Variants in ACYP2 observed in about 807,000 individuals in gnomAD.
The protein encoded by ACYP2 is acylphosphatase-2.
ACYP2 carries 12 observed loss-of-function variants against 11.2 expected under a neutral mutation model. The observed-to-expected ratio is 1.08, with a 90% CI of 0.69 to 1.74. ACYP2 has a LOEUF of 1.74. Ranked by LOEUF, ACYP2 falls within the 40% of genes most tolerant of loss-of-function variation. The pLI is 0.00. For synonymous variants in ACYP2, 43 were observed against 32.2 expected (o/e 1.33, Z -1.13); for missense variants, 134 against 101.9 (o/e 1.31, Z -1.35).
intron 6 of ACYP2, among the ~76,000 whole-genome samples, chr2:54,210,283 A>C (rs1685280054): frequency 6.6e-6 from 1 of 152,168 alleles, no homozygotes; most frequent in African/African-American, 2.4e-5. Context: ...TCTTTTAGAA[A>C]AATAAAATCC....
At chr2:54,096,207 G>A (rs1404980414) in intron 4 of ACYP2, among the ~76,000 whole-genome samples, 17 of 146,810 alleles carry the variant, frequency 1.2e-4, no homozygotes, top group African/African-American at 4.5e-4. Flanking sequence ...GGGGCGGCCG[G>A]GCAGAGACGC....
intron 2 of ACYP2, among the ~76,000 whole-genome samples, chr2:54,017,004 C>T (rs929572265): frequency 6.6e-5 from 10 of 152,070 alleles, no homozygotes; most frequent in Non-Finnish European, 1.3e-4. Context: ...AGATTACAGG[C>T]GTGAGCCTCC....
At position 54,030,242 on chromosome 2, in the gene ACYP2, G is replaced by A. The variant is rs1451316239; in HGVS notation, c.63-20716G>A. 3.3e-5 allele frequency among the ~76,000 whole-genome samples: 5 copies of A among 152,108 alleles called. No homozygotes were observed. In the East Asian group the frequency reaches 9.6e-4, roughly 29 times the overall value. On this transcript the variant is annotated intron_variant, in intron 2 of 6. Coordinates refer to ENST00000607452, the MANE Select transcript of ACYP2 (RefSeq NM_001320586.2). ...TATCTCCTTTACGGCTTGGCCTGGCGAGCTGCCTTAGACTCTCCAATGAAT... is the reference window on the plus strand; with the variant it reads ...TATCTCCTTTACGGCTTGGCCTGGCAAGCTGCCTTAGACTCTCCAATGAAT...
intron 2 of ACYP2, among the ~76,000 whole-genome samples, chr2:53,996,833 A>G (rs1449094895): frequency 5.9e-5 from 9 of 151,966 alleles, no homozygotes; most frequent in Admixed American, 5.2e-4. Context: ...TTCTTTGACC[A>G]TTCCCTCATC....
At chr2:53,997,695 A>G (rs939270603) in intron 2 of ACYP2, among the ~76,000 whole-genome samples, 3 of 152,180 alleles carry the variant, frequency 2.0e-5, no homozygotes, top group Admixed American at 6.6e-5. Flanking sequence ...ATAGGAGCAC[A>G]GTGTTTATAC....
chr2:54,255,605 C>T, intron 6 of ACYP2: 3 of 1,613,622 alleles, frequency 1.9e-6, no homozygotes, highest in Non-Finnish European at 2.5e-6. Flanking sequence ...TCCCTGTTTA[C>T]CTCATCTATT....
intron 4 of ACYP2, among the ~76,000 whole-genome samples, chr2:54,071,997 C>T (rs1015530522): frequency 5.9e-5 from 9 of 151,622 alleles, no homozygotes; most frequent in South Asian, 2.1e-4. Flanking sequence ...GGAGACAGAG[C>T]GAGACTCTGT....
intron 2 of ACYP2, among the ~76,000 whole-genome samples, chr2:54,010,948 C>G (rs983220165): frequency 6.6e-6 from 1 of 151,738 alleles, no homozygotes; most frequent in Non-Finnish European, 1.5e-5. Context: ...GGATTACAGA[C>G]CTGAACTACC....
Position 54,251,625 on chromosome 2 carries a change from A to T in ACYP2, c.405-53063A>T, listed in dbSNP as rs114285224. On this transcript the variant is annotated intron_variant, in intron 6 of 6. Transcript: ENST00000607452. ...GGGAGACAATTCTCCCATGTGTCTC[A>T]TGTTTCTGCATATCTTGTGAGCAAA... Among the ~76,000 whole-genome samples, 440 of 152,264 alleles carry T rather than the reference A, an allele frequency of 2.9e-3. 3 individuals carry two copies. The highest frequency in any genetic ancestry group is 1.0e-2 in the African/African-American group (415 of 41,548).
intron 6 of ACYP2, among the ~76,000 whole-genome samples, chr2:54,214,376 T>C (rs1459871704): frequency 1.3e-5 from 2 of 152,192 alleles, no homozygotes; most frequent in South Asian, 2.1e-4. Flanking sequence ...AGTTATACAT[T>C]TCACGTTTAA....
At chr2:53,981,223 G>C (rs1315883555) in intron 2 of ACYP2, among the ~76,000 whole-genome samples, 1 of 152,180 alleles carries the variant, frequency 6.6e-6, no homozygotes, top group African/African-American at 2.4e-5. Flanking sequence ...CCAGTGGAGG[G>C]TGTCCAGGTT....
At chr2:54,226,849 A>G (rs1426293308) in intron 6 of ACYP2, among the ~76,000 whole-genome samples, 1 of 152,238 alleles carries the variant, frequency 6.6e-6, no homozygotes, top group Non-Finnish European at 1.5e-5. Context: ...TGAAATTTAT[A>G]TAGCATTCCT....
chr2:54,188,617 T>TACTAC (rs1558598452), intron 6 of ACYP2, among the ~76,000 whole-genome samples: 1 of 152,218 alleles, frequency 6.6e-6, no homozygotes, highest in Non-Finnish European at 1.5e-5. Context: ...CTTTTCGTAT[T>TACTAC]ATAAGATGAA....
intron 6 of ACYP2, among the ~76,000 whole-genome samples, chr2:54,261,572 GA>G (rs1431663324): frequency 6.6e-6 from 1 of 152,188 alleles, no homozygotes; most frequent in Non-Finnish European, 1.5e-5. Context: ...TTAGATGACT[GA>G]AAAGAGCCTG....
chr2:54,253,556 A>G (rs991772231), intron 6 of ACYP2: 7 of 152,188 alleles, frequency 4.6e-5, no homozygotes, highest in African/African-American at 1.7e-4. Flanking sequence ...TAACACTCCA[A>G]CCATCTTCTA....
intron 4 of ACYP2, among the ~76,000 whole-genome samples, chr2:54,119,049 G>GTATTTTTT (rs1572796439): frequency 1.1e-5 from 1 of 90,036 alleles, no homozygotes; most frequent in African/African-American, 4.8e-5. Context: ...AATCTTAGTA[G>GTATTTTTT]TCTTTTTTTT....
chr2:54,193,422 C>T (rs1452318540), intron 6 of ACYP2, among the ~76,000 whole-genome samples: 1 of 152,108 alleles, frequency 6.6e-6, no homozygotes, highest in African/African-American at 2.4e-5. Flanking sequence ...TAAACAGATA[C>T]CACTTGTTAG....
chr2:54,198,017 GTATTGTATTGTATTGTATTT>G (rs1684586515), intron 6 of ACYP2, among the ~76,000 whole-genome samples: 1 of 91,164 alleles, frequency 1.1e-5, no homozygotes, highest in Non-Finnish European at 2.2e-5. Context: ...GTATTGTATT[GTATTGTATTGTATTGTATTT>G]TAAGACAGTT....
chr2:54,126,263 G>C (rs1680494462), intron 4 of ACYP2, among the ~76,000 whole-genome samples: 1 of 152,132 alleles, frequency 6.6e-6, no homozygotes, highest in Admixed American at 6.5e-5. Flanking sequence ...ACGAGAAGAT[G>C]AACTATATTC....
Sources: gnomAD v4.1 joint callset for allele counts (sites outside exome capture counted in the v4.1 genomes callset) on GRCh38, gnomAD v4.1.1 for gene constraint, MANE v1.5 for transcripts, NCBI Gene and HGNC (gene_info 2026-07-23, HGNC 2026-07-21) for gene names.